Variants in TAOK2 observed in about 807,000 individuals in gnomAD.
TAOK2 encodes the protein TAO kinase 2.
Under a neutral mutation model 122.5 loss-of-function variants are expected in TAOK2, and 42 were observed. That is an observed-to-expected ratio of 0.34 (90% CI 0.27 to 0.44). The LOEUF (loss-of-function observed/expected upper bound fraction) is 0.44. Ranked by LOEUF, TAOK2 falls within the 20% of genes least tolerant of loss-of-function variation. The pLI, the probability that TAOK2 is intolerant of heterozygous loss-of-function variation, is 1.00. For synonymous variants in TAOK2, 704 were observed against 677.6 expected, an observed-to-expected ratio of 1.04 and a Z score of -0.61; for missense variants, 1,264 against 1,644.9, an observed-to-expected ratio of 0.77 and a Z score of 4.01.
chr16:29,986,492 C>T lies in TAOK2; in HGVS notation c.2220C>T (p.Pro740=). 1 of 1,608,150 alleles carries T rather than the reference C, an allele frequency of 6.2e-7. No homozygotes were observed. Residue 740 remains proline (P), a synonymous_variant, in exon 16 of 16, where the codon CCC becomes CCT. Coordinates refer to ENST00000308893, the MANE Select transcript of TAOK2 (RefSeq NM_016151.4). This position sits in a 1 kb window ranked among gnomAD's most constrained non-coding sequence, Gnocchi z 4.2. ...QKHAAQVRQQ[P]KSLKVRAGQR... ...ATGCGGCCCAGGTTCGCCAGCAGCC[C>T]AAGAGCCTCAAAGTACGTGCAGGCC...
Position 29,987,794 on chromosome 16 carries a change from G to C in TAOK2, c.3522G>C (p.Pro1174=), listed in dbSNP as rs369839391. The part of the protein sequence containing the change: ...ASQGLASHLP[P]WAIHTLASWG... ...AGGGTTTAGCATCCCACTTGCCCCCGTGGGCCATCCACACACTGGCCAGCT... is the reference window on the plus strand; with the variant it reads ...AGGGTTTAGCATCCCACTTGCCCCCCTGGGCCATCCACACACTGGCCAGCT... The change falls in exon 16 of 16, where the codon CCG becomes CCC. Residue 1174 remains proline (P), a synonymous_variant. Coordinates refer to ENST00000308893, the MANE Select transcript of TAOK2 (RefSeq NM_016151.4). The C allele has an allele frequency of 1.2e-6, 2 of 1,613,652 alleles. No homozygotes were observed. The highest frequency in any genetic ancestry group is 2.2e-5 in the South Asian group (2 of 91,088).
In TAOK2 at chr16:29,988,084, C is replaced by T; in HGVS notation, c.*104C>T. 1 of 1,438,486 alleles carries T rather than the reference C, an allele frequency of 7.0e-7. No homozygotes were observed. The highest frequency in any genetic ancestry group is 1.5e-5 in the South Asian group (1 of 67,852). The allele number at this position is 1,438,486 out of a possible 1,614,324, so 89.1% of individuals were successfully genotyped here. ...CTAGTCCTCTCTTTTCACCCACCTT[C>T]CTCAGTTTGCTCACTTACCCCAGGC... On this transcript the variant is annotated 3_prime_UTR_variant, in exon 16 of 16. Coordinates refer to ENST00000308893, the MANE Select transcript of TAOK2 (RefSeq NM_016151.4).
chr16:29,986,579 C>G lies in TAOK2; in HGVS notation c.2307C>G (p.Thr769=), dbSNP rs1214756553. The change falls in exon 16 of 16, where the codon ACC becomes ACG. Residue 769 remains threonine (T), a synonymous_variant. Coordinates refer to ENST00000308893, the MANE Select transcript of TAOK2 (RefSeq NM_016151.4). This position sits in a 1 kb window ranked among gnomAD's most constrained non-coding sequence, Gnocchi z 4.2. ...PGALGPPNTG[T]PIEQQPCSPG... ...CTCTGGGCCCACCCAACACAGGCAC[C>G]CCTATAGAACAGCAGCCCTGCTCAC... 1 of 1,613,814 alleles carries G rather than the reference C, an allele frequency of 6.2e-7. No individual in the cohort carries two copies. The highest frequency in any genetic ancestry group is 1.7e-5 in the Admixed American group (1 of 59,946).
chr16:29,991,636 C>T, downstream of TAOK2: 1 of 1,415,168 alleles, frequency 7.1e-7, no homozygotes, highest in Non-Finnish European at 9.2e-7. This position sits in a 1 kb window ranked among gnomAD's most constrained non-coding sequence, Gnocchi z 5.6. Flanking sequence ...CTGGAGGGCA[C>T]TGAGCTGGAG....
At chr16:29,991,140 G>A (rs977127190), downstream of TAOK2, 2 of 1,610,044 alleles carry the variant, frequency 1.2e-6, no homozygotes, top group Non-Finnish European at 1.7e-6. The surrounding 1 kb of genome is among the most constrained non-coding windows in gnomAD (Gnocchi z 5.6). Flanking sequence ...GGCCTTCGAT[G>A]CGGAAAGCAT....
At chr16:29,989,450 C>T (rs1033519035), downstream of TAOK2, 157 of 1,482,316 alleles carry the variant, frequency 1.1e-4, no homozygotes, top group Admixed American at 1.3e-4. Context: ...GTTTCTCTCC[C>T]TCTCCCTGTC....
At chr16:29,983,870 G>GT (rs1219766269) in intron 13 of TAOK2, among the ~76,000 whole-genome samples, 1 of 152,202 alleles carries the variant, frequency 6.6e-6, no homozygotes, top group Non-Finnish European at 1.5e-5. Flanking sequence ...CAATCTGGGT[G>GT]TTTCTAGCTT....
At position 29,985,440 on chromosome 16, in the gene TAOK2, T is replaced by C; in HGVS notation, c.1650T>C (p.Gly550=). ...EKLARRHQAI[G]EKEARAAQAE... ...TGGCCCGGCGGCACCAGGCCATAGG[T>C]GAGAAGGAGGCACGAGCTGCCCAGG... Residue 550 remains glycine, a synonymous_variant, in exon 14 of 16, where the codon GGT becomes GGC. Coordinates refer to ENST00000308893, the MANE Select transcript of TAOK2 (RefSeq NM_016151.4). The surrounding 1 kb of genome is among the most constrained non-coding windows in gnomAD (Gnocchi z 6.9). The C allele has an allele frequency of 1.1e-5, 17 of 1,610,178 alleles. No homozygotes were observed. Among genetic ancestry groups the C allele is most frequent in the Non-Finnish European group, 1.4e-5 (17 of 1,178,432 alleles).
Position 29,988,347 on chromosome 16 carries a change from C to CA in TAOK2, c.*368dup. Reference sequence around the variant, plus strand: ...CCCTTCCAACCTGTCCCCTTCCCCCCACCAAAAAAAGAAAAAGACAAACAC... The same window carrying CA: ...CCCTTCCAACCTGTCCCCTTCCCCCCAACCAAAAAAAGAAAAAGACAAACAC... On this transcript the variant is annotated 3_prime_UTR_variant, in exon 16 of 16. Transcript: ENST00000308893. The CA allele has an allele frequency of 7.2e-7, 1 of 1,383,556 alleles. No homozygotes were observed. The highest frequency in any genetic ancestry group is 1.4e-5 in the African/African-American group (1 of 69,180). The allele number at this position is 1,383,556 out of a possible 1,614,324, so 85.7% of individuals were successfully genotyped here.
chr16:29,981,552 G>C (rs1284539575), intron 8 of TAOK2, 109 bp from the exon 9 acceptor site: 1 of 949,444 alleles, frequency 1.1e-6, no homozygotes. Flanking sequence ...AGGTCATGTG[G>C]CAAGGAAGTC....
chr16:29,974,373 G>A lies in TAOK2; in HGVS notation c.-311G>A, dbSNP rs145501593. 1 of 152,588 alleles carries A rather than the reference G, an allele frequency of 6.6e-6. No homozygotes were observed. The highest frequency in any genetic ancestry group is 1.5e-5 in the Non-Finnish European group (1 of 68,032). 9.5% of individuals were successfully genotyped at this position (152,588 alleles called of 1,614,324 possible). A position where few individuals can be genotyped will look rare whatever the true frequency, so the allele number is the denominator to read the frequency against. On this transcript the variant is annotated 5_prime_UTR_variant, in exon 1 of 16. Coordinates refer to ENST00000308893, the MANE Select transcript of TAOK2 (RefSeq NM_016151.4). ...AAATATCGGATTCAGTCTCCATCCC[G>A]TTCAGATATTCGGGGTTCAGACCCC... is the stretch of plus-strand genomic sequence containing the variant.
In TAOK2 at chr16:29,979,660, T is replaced by G. The variant is rs2069559226; in HGVS notation, c.655+152T>G. ...TACCCTGGAGCCCAATACAGGCAGC[T>G]GGCAAATTCTGCCAGCTCTTAGGCC... On this transcript the variant is annotated intron_variant, in intron 8 of 15. Transcript: ENST00000308893. The surrounding 1 kb of genome is among the most constrained non-coding windows in gnomAD (Gnocchi z 4.1). 6 of 578,732 alleles carry G rather than the reference T, an allele frequency of 1.0e-5. 1 individual carries two copies. In the East Asian group the frequency reaches 1.5e-4, roughly 15 times the overall value. 35.8% of individuals were successfully genotyped at this position (578,732 alleles called of 1,614,324 possible). A position where few individuals can be genotyped will look rare whatever the true frequency, so the allele number is the denominator to read the frequency against.
In TAOK2 at chr16:29,979,605, AGGCC is replaced by A; in HGVS notation, c.655+98_655+101del. 2 of 1,021,890 alleles carry A rather than the reference AGGCC, an allele frequency of 2.0e-6. No homozygotes were observed. The highest frequency in any genetic ancestry group is 2.8e-6 in the Non-Finnish European group (2 of 721,990). 63.3% of individuals were successfully genotyped at this position (1,021,890 alleles called of 1,614,324 possible). On this transcript the variant is annotated intron_variant, in intron 8 of 15. Coordinates refer to ENST00000308893, the MANE Select transcript of TAOK2 (RefSeq NM_016151.4). The surrounding 1 kb of genome is among the most constrained non-coding windows in gnomAD (Gnocchi z 4.1). ...CCCCTTCTCCTAGGGATGGGATCCC[AGGCC>A]TCCAAGTTCCTGTCCGTTGTGACTC... is the stretch of plus-strand genomic sequence containing the variant.
rs1373404319 is a variant in TAOK2 at position 29,987,785 on chromosome 16, C to T, written c.3513C>T (p.His1171=). The change falls in exon 16 of 16, where the codon CAC becomes CAT. Residue 1171 remains histidine, a synonymous_variant. Transcript: ENST00000308893. ...LARASQGLAS[H]LPPWAIHTLA... ...GGGCCAGCCAGGGTTTAGCATCCCA[C>T]TTGCCCCCGTGGGCCATCCACACAC... 6 of 1,613,808 alleles carry T rather than the reference C, an allele frequency of 3.7e-6. No individual in the cohort carries two copies. The highest frequency in any genetic ancestry group is 1.7e-5 in the Admixed American group (1 of 60,006).
In TAOK2 at chr16:29,979,394, C is replaced by CT; in HGVS notation, c.564-22dup. 2 of 1,603,298 alleles carry CT rather than the reference C, an allele frequency of 1.2e-6. No homozygotes were observed. Among genetic ancestry groups the CT allele is most frequent in the Non-Finnish European group, 1.7e-6 (2 of 1,173,252 alleles). ...CAGGGTCTCGGCGGGTGATTTGCCT[C>CT]TCTCTCCTGACCATTCTCCTAGGAT... On this transcript the variant is annotated intron_variant, in intron 7 of 15. Transcript: ENST00000308893. This position sits in a 1 kb window ranked among gnomAD's most constrained non-coding sequence, Gnocchi z 4.1.
At chr16:29,991,098 A>G (rs375777895), downstream of TAOK2, 4 of 1,595,106 alleles carry the variant, frequency 2.5e-6, no homozygotes, top group African/African-American at 1.3e-5. This position sits in a 1 kb window ranked among gnomAD's most constrained non-coding sequence, Gnocchi z 5.6. Flanking sequence ...GCGAATCCGC[A>G]GTCTGCTTGA....
In TAOK2 at chr16:29,988,069, C is replaced by T; in HGVS notation, c.*89C>T. On this transcript the variant is annotated 3_prime_UTR_variant, in exon 16 of 16. Transcript: ENST00000308893. Reference sequence around the variant, plus strand: ...AAGTTTCTCCAGTCCCTAGTCCTCTCTTTTCACCCACCTTCCTCAGTTTGC... The same window carrying T: ...AAGTTTCTCCAGTCCCTAGTCCTCTTTTTTCACCCACCTTCCTCAGTTTGC... 11 of 1,447,576 alleles carry T rather than the reference C, an allele frequency of 7.6e-6. No individual in the cohort carries two copies. The highest frequency in any genetic ancestry group is 9.9e-6 in the Non-Finnish European group (11 of 1,105,934). The allele number at this position is 1,447,576 out of a possible 1,614,324, so 89.7% of individuals were successfully genotyped here.
Position 29,986,909 on chromosome 16 carries a change from T to C in TAOK2, c.2637T>C (p.Ser879=). 1 of 1,612,832 alleles carries C rather than the reference T, an allele frequency of 6.2e-7. No homozygotes were observed. Among genetic ancestry groups the C allele is most frequent in the Admixed American group, 1.7e-5 (1 of 59,962 alleles). ...TWSLWGKEDE[S]LLDEEFELGW... ...GCTTGTGGGGGAAGGAGGATGAGAGTCTTCTGGATGAGGAGTTTGAGCTTG... is the reference window on the plus strand; with the variant it reads ...GCTTGTGGGGGAAGGAGGATGAGAGCCTTCTGGATGAGGAGTTTGAGCTTG... The change falls in exon 16 of 16, where the codon AGT becomes AGC. Residue 879 remains serine (S), a synonymous_variant. Transcript: ENST00000308893. The surrounding 1 kb of genome is among the most constrained non-coding windows in gnomAD (Gnocchi z 4.2).
At chr16:29,982,390 G>A (rs2069645346) in intron 10 of TAOK2, among the ~76,000 whole-genome samples, 1 of 152,230 alleles carries the variant, frequency 6.6e-6, no homozygotes, top group South Asian at 2.1e-4. Context: ...AGATTATGTA[G>A]TTGGACCCAC....
Sources: allele counts gnomAD v4.1 joint callset (sites outside exome capture counted in the v4.1 genomes callset), GRCh38; gene constraint gnomAD v4.1.1; non-coding constraint Gnocchi (gnomAD v3.1); transcripts MANE v1.5; gene names NCBI Gene and HGNC (gene_info 2026-07-23, HGNC 2026-07-21).